Variants in JAKMIP3 observed in about 807,000 individuals in gnomAD.
The protein encoded by JAKMIP3 is Janus kinase and microtubule interacting protein 3, also known as janus kinase and microtubule-interacting protein 3.
In JAKMIP3, 58 loss-of-function variants were observed where a neutral mutation model predicts 118.5. The observed-to-expected ratio is 0.49, with a 90% CI of 0.40 to 0.61. The LOEUF (loss-of-function observed/expected upper bound fraction) is 0.61, where lower values mean the gene tolerates loss of function less well. Among genes scored for constraint, JAKMIP3 ranks in the 20% least tolerant of loss-of-function variants. JAKMIP3 has a pLI of 0.00. For synonymous variants in JAKMIP3, 486 were observed against 451.2 expected, an observed-to-expected ratio of 1.08 and a Z score of -0.98; for missense variants, 950 against 1,109.0, an observed-to-expected ratio of 0.86 and a Z score of 2.04.
rs576697398 is a variant in JAKMIP3 at position 132,115,274 on chromosome 10, C to T, written c.136-1803C>T. On this transcript the variant is annotated intron_variant, in intron 2 of 23. Coordinates refer to ENST00000684848, the MANE Select transcript of JAKMIP3 (RefSeq NM_001323087.2). ...TCACCCTGGTGGGTCACCGCGATCG[C>T]GGCTAGGGGTCACCCTGGCGGGGCA... Among the ~76,000 whole-genome samples, 99 of 113,590 alleles carry T rather than the reference C, an allele frequency of 8.7e-4. 1 individual carries two copies. The highest frequency in any genetic ancestry group is 3.5e-3 in the African/African-American group (95 of 27,270). The allele number at this position is 113,590 out of a possible 152,430, so 74.5% of individuals were successfully genotyped here.
chr10:132,171,758 A>G (rs1164273161), intron 23 of JAKMIP3, among the ~76,000 whole-genome samples: 5 of 150,440 alleles, frequency 3.3e-5, no homozygotes, highest in Non-Finnish European at 7.4e-5. Flanking sequence ...GGGTTCAAGC[A>G]ATTCTCCTGC....
chr10:132,141,996 C>T lies in JAKMIP3; in HGVS notation c.1550C>T (p.Ala517Val). ...TACCAGGCCCTGCAGCGTGCCTACG[C>T]TTTGTTGCAGGAGCAGGTTGGAGGG... ...MEYQALQRAY[A>V]LLQEQVGGTL... The change falls in exon 11 of 24, where the codon GCT becomes GTT. Residue 517 changes from alanine to valine, a missense_variant. Transcript: ENST00000684848. 1 of 1,607,602 alleles carries T rather than the reference C, an allele frequency of 6.2e-7. No individual in the cohort carries two copies. Among genetic ancestry groups the T allele is most frequent in the African/African-American group, 1.3e-5 (1 of 74,982 alleles).
chr10:132,169,537 G>A (rs1181840399), intron 23 of JAKMIP3, among the ~76,000 whole-genome samples: 1 of 152,168 alleles, frequency 6.6e-6, no homozygotes, highest in African/African-American at 2.4e-5. Context: ...TCGCCAGCGG[G>A]GTTCCCTATG....
chr10:132,130,884 TC>T (rs1166625690), intron 3 of JAKMIP3, among the ~76,000 whole-genome samples: 1 of 151,840 alleles, frequency 6.6e-6, no homozygotes, highest in Non-Finnish European at 1.5e-5. Context: ...TTCTACATGC[TC>T]ATCTTGGGGG....
intron 23 of JAKMIP3, among the ~76,000 whole-genome samples, chr10:132,172,450 G>A (rs547593576): frequency 1.4e-4 from 21 of 152,154 alleles, no homozygotes; most frequent in East Asian, 5.8e-4. Flanking sequence ...ACGTTGCCCC[G>A]ATCTCCGCAC....
chr10:132,150,113 G>A (rs1431316771), intron 16 of JAKMIP3, 72 bp downstream of exon 16: 1 of 1,297,554 alleles, frequency 7.7e-7, no homozygotes, highest in Admixed American at 2.2e-5. Flanking sequence ...TGGGGTCCAG[G>A]AGGCCCTGCC....
At chr10:132,037,846 C>A (rs973941778) in intron 1 of JAKMIP3, among the ~76,000 whole-genome samples, 6 of 152,020 alleles carry the variant, frequency 3.9e-5, no homozygotes, top group Non-Finnish European at 8.8e-5. Context: ...TTCCCCCTAC[C>A]CCTGCCCCGG....
chr10:132,074,673 CATTTT>C (rs559375401), intron 1 of JAKMIP3, among the ~76,000 whole-genome samples: 34 of 152,264 alleles, frequency 2.2e-4, no homozygotes, highest in African/African-American at 8.2e-4. Context: ...TGTGCAGAAA[CATTTT>C]AGTTTAAGTC....
chr10:132,091,771 A>G lies in JAKMIP3; in HGVS notation c.-137-12901A>G, dbSNP rs111439208. On this transcript the variant is annotated intron_variant, in intron 1 of 23. Coordinates refer to ENST00000684848, the MANE Select transcript of JAKMIP3 (RefSeq NM_001323087.2). Reference sequence around the variant, plus strand: ...TCATTGGAGCATTTAGCCCATTTACATTTAAAATTAATATTGTTATGTGTG... The same window carrying G: ...TCATTGGAGCATTTAGCCCATTTACGTTTAAAATTAATATTGTTATGTGTG... 4.1e-3 allele frequency among the ~76,000 whole-genome samples: 629 copies of G among 152,304 alleles called. 2 individuals carry two copies. The highest frequency in any genetic ancestry group is 0.014 in the African/African-American group (601 of 41,560).
At chr10:132,180,531 GTGTGTGTGTGTGTGCGTGCGTGCA>G in intron 23 of JAKMIP3, among the ~76,000 whole-genome samples, 2 of 31,990 alleles carry the variant, frequency 6.3e-5, no homozygotes, top group African/African-American at 3.8e-4. Context: ...AACTGTGTGT[GTGTGTGTGTGTGTGCGTGCGTGCA>G]TGCGTGTGTG....
At chr10:132,048,977 TCTTTCGTGGAGC>T (rs1038837968) in intron 1 of JAKMIP3, among the ~76,000 whole-genome samples, 3 of 152,170 alleles carry the variant, frequency 2.0e-5, no homozygotes, top group African/African-American at 7.2e-5. Context: ...GTCTATGCTT[TCTTTCGTGGAGC>T]TTTTTTTTTT....
At chr10:132,076,890 C>T (rs2040890118) in intron 1 of JAKMIP3, among the ~76,000 whole-genome samples, 2 of 148,980 alleles carry the variant, frequency 1.3e-5, no homozygotes, top group East Asian at 2.0e-4. Context: ...CCGGGTCTGA[C>T]TGATTAAGGG....
At chr10:132,069,215 G>T (rs1229173052) in intron 1 of JAKMIP3, among the ~76,000 whole-genome samples, 1 of 152,136 alleles carries the variant, frequency 6.6e-6, no homozygotes, top group Non-Finnish European at 1.5e-5. Flanking sequence ...AGGACCCCAG[G>T]TCTTCCTGCC....
upstream of JAKMIP3, among the ~76,000 whole-genome samples, chr10:132,036,431 C>CGCCCGGT (rs984255531): frequency 1.3e-5 from 2 of 152,166 alleles, no homozygotes; most frequent in African/African-American, 4.8e-5. Flanking sequence ...AAGCCGGCGG[C>CGCCCGGT]GCCCGGTGCC....
intron 19 of JAKMIP3, among the ~76,000 whole-genome samples, chr10:132,159,826 C>T (rs1303329303): frequency 2.0e-4 from 6 of 30,244 alleles, no homozygotes; most frequent in Admixed American, 4.2e-4. Flanking sequence ...TGCTGGGGGG[C>T]CTCTCCCTGT....
intron 1 of JAKMIP3, among the ~76,000 whole-genome samples, chr10:132,042,888 G>A (rs559412936): frequency 1.0e-4 from 15 of 150,672 alleles, no homozygotes; most frequent in African/African-American, 3.4e-4. Context: ...CTAAGAGTTC[G>A]AGACCAGCCT....
At chr10:132,100,735 ATCATT>A (rs2044732786) in intron 1 of JAKMIP3, among the ~76,000 whole-genome samples, 2 of 152,072 alleles carry the variant, frequency 1.3e-5, no homozygotes, top group South Asian at 4.1e-4. Context: ...CCGCCCCAAC[ATCATT>A]TCATTTTAGG....
chr10:132,039,772 C>T (rs2037659419), intron 1 of JAKMIP3, among the ~76,000 whole-genome samples: 2 of 152,254 alleles, frequency 1.3e-5, no homozygotes, highest in African/African-American at 4.8e-5. Flanking sequence ...CCTCCTCTCT[C>T]GGCCTCCAGC....
intron 1 of JAKMIP3, among the ~76,000 whole-genome samples, chr10:132,037,314 C>T (rs2037543301): frequency 6.6e-6 from 1 of 152,170 alleles, no homozygotes; most frequent in Non-Finnish European, 1.5e-5. Flanking sequence ...CGGCTCCCTC[C>T]TGCCCCCGTC....
Sources: allele counts gnomAD v4.1 joint callset (sites outside exome capture counted in the v4.1 genomes callset), GRCh38; gene constraint gnomAD v4.1.1; transcripts MANE v1.5; gene names NCBI Gene and HGNC (gene_info 2026-07-23, HGNC 2026-07-21).